CHRM3: variants seen among roughly 807,000 people sequenced by gnomAD.
CHRM3 encodes the protein cholinergic receptor muscarinic 3.
In CHRM3, 11 loss-of-function variants were observed where a neutral mutation model predicts 41.8. That is an observed-to-expected ratio of 0.26 (90% CI 0.17 to 0.44). The LOEUF (loss-of-function observed/expected upper bound fraction) is 0.44. Ranked by LOEUF, CHRM3 falls within the 20% of genes least tolerant of loss-of-function variation. The pLI is 1.00. For synonymous variants in CHRM3, 297 were observed against 301.4 expected, an observed-to-expected ratio of 0.99 and a Z score of 0.15; for missense variants, 571 against 745.4, an observed-to-expected ratio of 0.77 and a Z score of 2.72.
rs188805198 is a variant in CHRM3, at chr1:239,433,268, A to G, written c.-521+46041A>G. Among the ~76,000 whole-genome samples the G allele has an allele frequency of 3.9e-5, 6 of 152,310 alleles. No individual in the cohort carries two copies. In the East Asian group the frequency reaches 1.2e-3, roughly 29 times the overall value. On this transcript the variant is annotated intron_variant, in intron 1 of 6. Transcript: ENST00000676153. ...AATGCTATTGTTTATCTGTGGTCTC[A>G]GTGAATGGAACTCGGAGATTCTCAG...
intron 3 of CHRM3, chr1:239,546,685 AC>A (rs1316948875): frequency 6.6e-6 from 1 of 152,080 alleles, no homozygotes; most frequent in East Asian, 1.9e-4. Flanking sequence ...ATCCCCACCA[AC>A]CATAAGGAAT....
chr1:239,832,670 A>G (rs574412487), intron 6 of CHRM3, among the ~76,000 whole-genome samples: 99 of 152,148 alleles, frequency 6.5e-4, no homozygotes, highest in African/African-American at 2.3e-3. Flanking sequence ...TTCCGAGAGT[A>G]AGAGGAAGAA....
intron 1 of CHRM3, among the ~76,000 whole-genome samples, chr1:239,408,956 A>G (rs1429494802): frequency 2.0e-5 from 3 of 152,108 alleles, no homozygotes; most frequent in Non-Finnish European, 4.4e-5. Context: ...AAGACACTTC[A>G]CTTTTTACAT....
intron 6 of CHRM3, among the ~76,000 whole-genome samples, chr1:239,854,604 A>G (rs1387952279): frequency 6.6e-6 from 1 of 152,092 alleles, no homozygotes; most frequent in African/African-American, 2.4e-5. Flanking sequence ...TGAAGAGGAT[A>G]AAGAGTTCTA....
intron 3 of CHRM3, among the ~76,000 whole-genome samples, chr1:239,547,028 C>T (rs1468507770): frequency 6.6e-6 from 1 of 152,076 alleles, no homozygotes; most frequent in African/African-American, 2.4e-5. Flanking sequence ...TAAATTTAAA[C>T]AAGTTATATA....
chr1:239,571,715 A>G (rs1034626612), intron 3 of CHRM3, among the ~76,000 whole-genome samples: 1 of 152,154 alleles, frequency 6.6e-6, no homozygotes, highest in African/African-American at 2.4e-5. Flanking sequence ...TCGTGTGCCC[A>G]GTCAGCATAG....
chr1:239,529,631 AC>A (rs1170451191), intron 2 of CHRM3, among the ~76,000 whole-genome samples: 190 of 42,038 alleles, frequency 4.5e-3, no homozygotes, highest in South Asian at 9.2e-3. Context: ...AAAAAAAAAA[AC>A]AAACAAACAA....
chr1:239,666,847 G>T (rs891169759), intron 4 of CHRM3, among the ~76,000 whole-genome samples: 13 of 152,114 alleles, frequency 8.5e-5, no homozygotes, highest in African/African-American at 2.9e-4. Context: ...AGTAGGCCCA[G>T]TGTTTACTGT....
intron 1 of CHRM3, among the ~76,000 whole-genome samples, chr1:239,388,894 T>C (rs1161873605): frequency 6.6e-6 from 1 of 152,196 alleles, no homozygotes; most frequent in Non-Finnish European, 1.5e-5. Context: ...TAATTAGCTA[T>C]TGTTGGGCTA....
At chr1:239,441,319 T>A (rs1392166106) in intron 1 of CHRM3, among the ~76,000 whole-genome samples, 1 of 152,232 alleles carries the variant, frequency 6.6e-6, no homozygotes, top group Non-Finnish European at 1.5e-5. Flanking sequence ...CTCGTTTGCA[T>A]GCTTTTCTGT....
At chr1:239,602,265 A>G (rs1665700289) in intron 3 of CHRM3, among the ~76,000 whole-genome samples, 1 of 151,772 alleles carries the variant, frequency 6.6e-6, no homozygotes, top group South Asian at 2.1e-4. Flanking sequence ...CTCCCGAGTA[A>G]TAAAAATTCA....
rs1333699490 is a variant in CHRM3 at position 239,911,627 on chromosome 1, A to G, written c.*2403A>G. On this transcript the variant is annotated 3_prime_UTR_variant, in exon 7 of 7. Coordinates refer to ENST00000676153, the MANE Select transcript of CHRM3 (RefSeq NM_001375978.1). ...AACAGAACTTTGAGAGTCACTTCCA[A>G]TCTCCTTAAACATGATTATCTCCTT... 6 of 166,858 alleles carry G rather than the reference A, an allele frequency of 3.6e-5. No individual in the cohort carries two copies. The highest frequency in any genetic ancestry group is 8.8e-5 in the Non-Finnish European group (6 of 68,074). The allele number at this position is 166,858 out of a possible 1,614,324, so 10.3% of individuals were successfully genotyped here.
At chr1:239,810,717 A>G (rs1330600121) in intron 5 of CHRM3, among the ~76,000 whole-genome samples, 1 of 152,264 alleles carries the variant, frequency 6.6e-6, no homozygotes, top group African/African-American at 2.4e-5. Context: ...CACCTTGATC[A>G]CTTGTTAGTG....
At chr1:239,457,421 C>A (rs930817580) in intron 1 of CHRM3, among the ~76,000 whole-genome samples, 1 of 152,100 alleles carries the variant, frequency 6.6e-6, no homozygotes. Flanking sequence ...TTGTTATATA[C>A]GTGTCTTCTA....
At chr1:239,813,934 A>AAAAAAAAAAAAAAAAAG in intron 5 of CHRM3, among the ~76,000 whole-genome samples, 1 of 125,822 alleles carries the variant, frequency 7.9e-6, no homozygotes, top group African/African-American at 2.9e-5. Context: ...AAAAAAAAAA[A>AAAAAAAAAAAAAAAAAG]CTCACAGTTG....
intron 1 of CHRM3, among the ~76,000 whole-genome samples, chr1:239,392,164 C>T (rs1390795977): frequency 6.6e-6 from 1 of 152,196 alleles, no homozygotes; most frequent in African/African-American, 2.4e-5. Context: ...TCTATTCTGT[C>T]TCTGATTCAA....
intron 5 of CHRM3, among the ~76,000 whole-genome samples, chr1:239,784,583 A>G (rs981982194): frequency 2.0e-5 from 3 of 152,180 alleles, no homozygotes; most frequent in Non-Finnish European, 4.4e-5. Context: ...TATTTGACTT[A>G]TACATTAGCT....
chr1:239,472,924 A>G (rs1666224064), intron 1 of CHRM3, among the ~76,000 whole-genome samples: 1 of 152,202 alleles, frequency 6.6e-6, no homozygotes, highest in Non-Finnish European at 1.5e-5. Context: ...GCATGATGGT[A>G]TTGGTACTGA....
At chr1:239,614,185 TA>T (rs1309132647) in intron 3 of CHRM3, among the ~76,000 whole-genome samples, 2 of 151,914 alleles carry the variant, frequency 1.3e-5, no homozygotes, top group East Asian at 3.9e-4. Flanking sequence ...ATGATAATAA[TA>T]ACAAATTTTA....
Sources: gnomAD v4.1 joint callset for allele counts (sites outside exome capture counted in the v4.1 genomes callset) on GRCh38, gnomAD v4.1.1 for gene constraint, MANE v1.5 for transcripts, NCBI Gene and HGNC (gene_info 2026-07-23, HGNC 2026-07-21) for gene names.